AMMECR1: variants seen among roughly 807,000 people sequenced by gnomAD.
AMMECR1 encodes AMMECR nuclear protein 1.
A neutral mutation model predicts 22.5 loss-of-function variants in AMMECR1; 3 were observed. That is an observed-to-expected ratio of 0.13 (90% CI 0.06 to 0.35). The LOEUF (loss-of-function observed/expected upper bound fraction) is 0.35. Ranked by LOEUF, AMMECR1 falls within the 10% of genes least tolerant of loss-of-function variation. The pLI is 1.00. For synonymous variants in AMMECR1, 130 were observed against 116.7 expected, an observed-to-expected ratio of 1.11 and a Z score of -0.74; for missense variants, 235 against 278.7, an observed-to-expected ratio of 0.84 and a Z score of 1.12.
chrX:110,403,814 G>A (rs1166372119), intron 2 of AMMECR1, among the ~76,000 whole-genome samples: 1 of 112,395 alleles, frequency 8.9e-6, no homozygotes, highest in Non-Finnish European at 1.9e-5. Flanking sequence ...CAATGTACTT[G>A]ATTACTGGGT....
intron 3 of AMMECR1, among the ~76,000 whole-genome samples, chrX:110,211,832 TG>T (rs2067449218): frequency 9.0e-6 from 1 of 111,697 alleles, no homozygotes; most frequent in Admixed American, 9.5e-5. Context: ...CTTGGAAGGG[TG>T]GGGCCACTGC....
At chrX:110,284,304 T>C (rs1602858854) in intron 1 of AMMECR1, among the ~76,000 whole-genome samples, 2 of 111,335 alleles carry the variant, frequency 1.8e-5, no homozygotes, top group Non-Finnish European at 3.8e-5. Context: ...GAAATCATGA[T>C]AGTTCCGTAG....
chrX:110,353,160 T>C (rs904527814), intron 2 of AMMECR1, among the ~76,000 whole-genome samples: 3 of 111,974 alleles, frequency 2.7e-5, no homozygotes, highest in African/African-American at 3.2e-5. Context: ...TTAGTTGTAA[T>C]GTCTTCTCTT....
intron 1 of AMMECR1, among the ~76,000 whole-genome samples, chrX:110,288,087 A>G (rs1165617459): frequency 8.9e-6 from 1 of 112,177 alleles, no homozygotes; most frequent in African/African-American, 3.2e-5. Context: ...ACACTTAGCC[A>G]GTTTGGTAGT....
intron 2 of AMMECR1, among the ~76,000 whole-genome samples, chrX:110,247,160 T>A (rs61629286): frequency 1.5e-3 from 169 of 112,649 alleles, no homozygotes; most frequent in African/African-American, 5.2e-3. Flanking sequence ...TGATCAGGTA[T>A]GTGGGACTTG....
intron 1 of AMMECR1, among the ~76,000 whole-genome samples, chrX:110,270,603 CT>C (rs761780885): frequency 5.3e-5 from 6 of 112,318 alleles, no homozygotes; most frequent in African/African-American, 1.9e-4. Context: ...ACAATCTCCT[CT>C]TCCTCCTGTT....
chrX:110,317,837 C>G lies in AMMECR1; in HGVS notation c.235G>C (p.Gly79Arg). ...GGCGACAGGGCGATCCCCCCGCCGC[C>G]GCCGCCGCAGCCCTGGGGGGGAGAG... ...TLSPPQGCGG[G>R]GGGIALSPPP... is the part of the protein sequence containing the mutation. Residue 79 changes from glycine to arginine, a missense_variant, in exon 1 of 6, where the codon GGC (glycine) becomes CGC (arginine). Gly to Arg is a moderately radical substitution (Grantham distance 125). Transcript: ENST00000262844. 8.6e-7 allele frequency: 1 copy of G among 1,160,688 alleles called. No homozygotes were observed. The highest frequency in any genetic ancestry group is 2.0e-5 in the South Asian group (1 of 50,301).
chrX:110,381,450 AG>A (rs1304588253), intron 2 of AMMECR1, among the ~76,000 whole-genome samples: 2 of 111,954 alleles, frequency 1.8e-5, no homozygotes, highest in Non-Finnish European at 3.8e-5. Context: ...TGCAGTGAAA[AG>A]GGAATGTGTA....
chrX:110,241,395 A>T (rs2067631682), intron 2 of AMMECR1, among the ~76,000 whole-genome samples: 1 of 111,956 alleles, frequency 8.9e-6, no homozygotes, highest in African/African-American at 3.3e-5. Flanking sequence ...AAAATTATAA[A>T]AGGGAGATCA....
chrX:110,338,985 C>T (rs2068151308), intron 2 of AMMECR1, among the ~76,000 whole-genome samples: 1 of 111,362 alleles, frequency 9.0e-6, no homozygotes, highest in Admixed American at 9.6e-5. Context: ...TGCTGCATAC[C>T]TTGGGTTTCT....
intron 2 of AMMECR1, among the ~76,000 whole-genome samples, chrX:110,368,283 C>A (rs1005697801): frequency 9.0e-6 from 1 of 110,749 alleles, no homozygotes. Flanking sequence ...CCGTCCGTGG[C>A]CTTTTATATT....
At chrX:110,333,913 C>T (rs1001150065) in intron 2 of AMMECR1, among the ~76,000 whole-genome samples, 4 of 110,365 alleles carry the variant, frequency 3.6e-5, no homozygotes, top group Admixed American at 9.7e-5. Context: ...CACCATGGCA[C>T]GTGTCTACCT....
At chrX:110,396,085 G>C (rs1180957171) in intron 2 of AMMECR1, among the ~76,000 whole-genome samples, 1 of 111,424 alleles carries the variant, frequency 9.0e-6, no homozygotes, top group African/African-American at 3.3e-5. Flanking sequence ...ATCCTGACCT[G>C]ACCTGTTTTG....
chrX:110,357,198 T>A (rs2068234911), intron 2 of AMMECR1, among the ~76,000 whole-genome samples: 1 of 111,885 alleles, frequency 8.9e-6, no homozygotes, highest in South Asian at 3.7e-4. Context: ...CATTTTTAGA[T>A]AAATACATGG....
At chrX:110,337,560 G>A (rs976499865) in intron 2 of AMMECR1, among the ~76,000 whole-genome samples, 1 of 111,388 alleles carries the variant, frequency 9.0e-6, no homozygotes, top group African/African-American at 3.3e-5. Flanking sequence ...TAAATAAACA[G>A]AAAATAAAGA....
rs765205278 is a variant in AMMECR1, at chrX:110,429,217, G to C, written c.-293-2414C>G. On this transcript the variant is annotated intron_variant, in intron 1 of 7. Transcript: ENST00000372057. ...CTGTCTACTGAATTTTAAGCTTCTTGAGGGCAAGGACTCTATTTTGTTCAT... is the reference window on the plus strand; with the variant it reads ...CTGTCTACTGAATTTTAAGCTTCTTCAGGGCAAGGACTCTATTTTGTTCAT... Among the ~76,000 whole-genome samples the C allele has an allele frequency of 9.9e-5, 11 of 110,964 alleles. No homozygotes were observed. The South Asian group carries it at 3.8e-3, about 38-fold the overall frequency.
At chrX:110,346,936 G>T in intron 2 of AMMECR1, 2 of 533,236 alleles carry the variant, frequency 3.8e-6, no homozygotes, top group Middle Eastern at 3.1e-4. Flanking sequence ...GGGCCGATTC[G>T]TGGGTCGGTG....
chrX:110,214,250 G>A lies in AMMECR1; in HGVS notation c.699+2268C>T, dbSNP rs753997479. Among the ~76,000 whole-genome samples the A allele has an allele frequency of 1.3e-4, 14 of 108,991 alleles. No individual in the cohort carries two copies. In the Admixed American group the frequency reaches 1.4e-3, roughly 11 times the overall value. 94.6% of individuals were successfully genotyped at this position (108,991 alleles called of 115,157 possible). ...TGCAGTCCAGCCTGGGCGACTGAGC[G>A]AGACTCTGTCTCGAAAAAAAAAAAA... On this transcript the variant is annotated intron_variant, in intron 3 of 5. Coordinates refer to ENST00000262844, the MANE Select transcript of AMMECR1 (RefSeq NM_015365.3).
chrX:110,388,029 T>G (rs2068469620), intron 2 of AMMECR1, among the ~76,000 whole-genome samples: 1 of 109,731 alleles, frequency 9.1e-6, no homozygotes, highest in African/African-American at 3.3e-5. Context: ...GCCCAGCTAA[T>G]TTTCTTTTTT....
Sources: allele counts gnomAD v4.1 joint callset (sites outside exome capture counted in the v4.1 genomes callset), GRCh38; gene constraint gnomAD v4.1.1; transcripts MANE v1.5; gene names NCBI Gene and HGNC (gene_info 2026-07-23, HGNC 2026-07-21).